CDH20: variants seen among roughly 807,000 people sequenced by gnomAD.
The protein encoded by CDH20 is cadherin 20.
In CDH20, 29 loss-of-function variants were observed where a neutral mutation model predicts 74.2. That is an observed-to-expected ratio of 0.39 (90% CI 0.29 to 0.53). CDH20 has a LOEUF of 0.53. Ranked by LOEUF, CDH20 falls within the 20% of genes least tolerant of loss-of-function variation. The pLI, the probability that CDH20 is intolerant of heterozygous loss-of-function variation, is 0.69. For synonymous variants in CDH20, 469 were observed against 405.4 expected (o/e 1.16, Z -1.88); for missense variants, 988 against 1,048.3 (o/e 0.94, Z 0.79).
chr18:61,440,457 C>G (rs1908991286), intron 1 of CDH20, among the ~76,000 whole-genome samples: 1 of 152,122 alleles, frequency 6.6e-6, no homozygotes, highest in Non-Finnish European at 1.5e-5. Flanking sequence ...GCAGACATAG[C>G]CGACTAATAC....
chr18:61,483,493 C>T lies in CDH20; in HGVS notation c.-152-6909C>T, dbSNP rs911442019. On this transcript the variant is annotated intron_variant, in intron 1 of 11. Transcript: ENST00000262717. ...GACAAAGTAAATGTAAATTACTTGA[C>T]ACAGCCTGGCGTAAACACTCCATGT... Among the ~76,000 whole-genome samples, 4 of 152,146 alleles carry T rather than the reference C, an allele frequency of 2.6e-5. No homozygotes were observed. The East Asian group carries it at 7.7e-4, about 29-fold the overall frequency.
At chr18:61,482,687 G>A (rs867495169) in intron 1 of CDH20, among the ~76,000 whole-genome samples, 2 of 151,908 alleles carry the variant, frequency 1.3e-5, no homozygotes, top group African/African-American at 4.8e-5. Flanking sequence ...TAGAGACGGG[G>A]TCTTGCCCTG....
At chr18:61,487,985 A>C (rs2144291268) in intron 1 of CDH20, among the ~76,000 whole-genome samples, 1 of 152,290 alleles carries the variant, frequency 6.6e-6, no homozygotes, top group South Asian at 2.1e-4. Flanking sequence ...AGTTGCTACA[A>C]CCAGCCAGAG....
At chr18:61,549,338 A>C (rs1036714062) in intron 10 of CDH20, among the ~76,000 whole-genome samples, 8 of 152,262 alleles carry the variant, frequency 5.3e-5, no homozygotes, top group Non-Finnish European at 8.8e-5. Flanking sequence ...AGTTCATTTT[A>C]ACTGCTTAAA....
intron 7 of CDH20, among the ~76,000 whole-genome samples, chr18:61,534,214 T>C (rs1398895771): frequency 6.6e-6 from 1 of 152,184 alleles, no homozygotes; most frequent in African/African-American, 2.4e-5. Flanking sequence ...AGAACGTCTG[T>C]TGTCAAAAAC....
rs1286420017 is a variant in CDH20 at position 61,554,824 on chromosome 18, AGCTC to A, written c.*130_*133del. ...AGAATGGGGGTGAGCAGGCGAACAGAGCTCTCTCTGGATCAGCTTTACTTGGGTA... is the reference window on the plus strand; with the variant it reads ...AGAATGGGGGTGAGCAGGCGAACAGATCTCTGGATCAGCTTTACTTGGGTA... On this transcript the variant is annotated 3_prime_UTR_variant, in exon 12 of 12. Coordinates refer to ENST00000262717, the MANE Select transcript of CDH20 (RefSeq NM_031891.4). The A allele has an allele frequency of 9.1e-6, 13 of 1,429,144 alleles. No individual in the cohort carries two copies. The highest frequency in any genetic ancestry group is 4.3e-5 in the African/African-American group (3 of 69,654). The allele number at this position is 1,429,144 out of a possible 1,614,324, so 88.5% of individuals were successfully genotyped here.
intron 1 of CDH20, among the ~76,000 whole-genome samples, chr18:61,468,329 C>A (rs1329912034): frequency 6.6e-6 from 1 of 152,100 alleles, no homozygotes; most frequent in African/African-American, 2.4e-5. Flanking sequence ...AAGTATTTTT[C>A]TTTATGGCCC....
At chr18:61,367,612 C>T (rs1910903857) in intron 1 of CDH20, among the ~76,000 whole-genome samples, 1 of 152,118 alleles carries the variant, frequency 6.6e-6, no homozygotes, top group Admixed American at 6.6e-5. Context: ...TCAAAGTCTA[C>T]AATGGCCAGT....
At chr18:61,479,107 CCTTT>C (rs1328527021) in intron 1 of CDH20, among the ~76,000 whole-genome samples, 1 of 151,798 alleles carries the variant, frequency 6.6e-6, no homozygotes, top group African/African-American at 2.4e-5. Flanking sequence ...CTATTTCAAA[CCTTT>C]CTTTTCTATT....
Position 61,382,369 on chromosome 18 carries a change from C to T in CDH20, c.-153+48542C>T, listed in dbSNP as rs187590858. ...AAAACGTAATGGCCAAAAAGTAGAACGAGAAAAGGGCTTTGGAGTCAAGAA... is the reference window on the plus strand; with the variant it reads ...AAAACGTAATGGCCAAAAAGTAGAATGAGAAAAGGGCTTTGGAGTCAAGAA... On this transcript the variant is annotated intron_variant, in intron 1 of 11. Coordinates refer to ENST00000262717, the MANE Select transcript of CDH20 (RefSeq NM_031891.4). Among the ~76,000 whole-genome samples, 65 of 152,164 alleles carry T rather than the reference C, an allele frequency of 4.3e-4. 1 individual carries two copies. The highest frequency in any genetic ancestry group is 3.2e-3 in the Admixed American group (49 of 15,290).
chr18:61,535,637 T>C (rs1294018334), intron 7 of CDH20, among the ~76,000 whole-genome samples: 3 of 152,148 alleles, frequency 2.0e-5, no homozygotes, highest in Non-Finnish European at 4.4e-5. Flanking sequence ...TGAGTCATTC[T>C]CCCCTTGGAG....
chr18:61,444,972 A>G (rs1488841506), intron 1 of CDH20, among the ~76,000 whole-genome samples: 1 of 152,100 alleles, frequency 6.6e-6, no homozygotes, highest in African/African-American at 2.4e-5. Context: ...CTAAGTCTTT[A>G]TTCTGCTCTC....
Position 61,538,608 on chromosome 18 carries a change from G to GTTTTTTTTTTTTTTTTTTTTTTTTT in CDH20, c.1409-411_1409-410insTTTTTTTTTTTTTTTTTTTTTTTTT, listed in dbSNP as rs1449356386. ...TGTTTGTTTGTTTGTTTTTGTTTTT[G>GTTTTTTTTTTTTTTTTTTTTTTTTT]TTTTTGTTTTTGTTTTGTTTTTTTT... On this transcript the variant is annotated intron_variant, in intron 8 of 11. Coordinates refer to ENST00000262717, the MANE Select transcript of CDH20 (RefSeq NM_031891.4). Among the ~76,000 whole-genome samples the GTTTTTTTTTTTTTTTTTTTTTTTTT allele has an allele frequency of 4.1e-4, 15 of 36,334 alleles. 1 individual carries two copies. Among genetic ancestry groups the GTTTTTTTTTTTTTTTTTTTTTTTTT allele is most frequent in the Non-Finnish European group, 6.0e-4 (10 of 16,564 alleles). The allele number at this position is 36,334 out of a possible 152,430, so 23.8% of individuals were successfully genotyped here. A position where few individuals can be genotyped will look rare whatever the true frequency, so the allele number is the denominator to read the frequency against.
chr18:61,338,995 G>T (rs954456743), intron 1 of CDH20, among the ~76,000 whole-genome samples: 1 of 152,044 alleles, frequency 6.6e-6, no homozygotes, highest in African/African-American at 2.4e-5. Context: ...AAATAAATTT[G>T]TAATATTTAA....
intron 1 of CDH20, among the ~76,000 whole-genome samples, chr18:61,364,791 G>T (rs1910807632): frequency 6.6e-6 from 1 of 152,342 alleles, no homozygotes; most frequent in Admixed American, 6.5e-5. Flanking sequence ...CAGCAGCACT[G>T]TGAGCCAAAT....
intron 1 of CDH20, among the ~76,000 whole-genome samples, chr18:61,435,365 T>C (rs545731600): frequency 3.3e-5 from 5 of 152,186 alleles, no homozygotes; most frequent in African/African-American, 1.2e-4. Context: ...ACTCTGCCCT[T>C]TTTCCTCCTT....
chr18:61,528,102 G>A lies in CDH20; in HGVS notation c.1153G>A (p.Glu385Lys), dbSNP rs866753314. 3 of 1,614,150 alleles carry A rather than the reference G, an allele frequency of 1.9e-6. No individual in the cohort carries two copies. The highest frequency in any genetic ancestry group is 2.2e-5 in the East Asian group (1 of 44,878). ...TVHISVEDVD[E>K]PPVFEPGFYF... The stretch of plus-strand genomic sequence containing the variant: ...GCACATCAGTGTGGAAGACGTGGAC[G>A]AGCCCCCTGTGTTTGAACCTGGCTT... The change falls in exon 7 of 12, where the codon GAG (glutamate) becomes AAG (lysine). Residue 385 changes from glutamate (E) to lysine (K), a missense_variant. Glu to Lys is a moderately conservative substitution (Grantham distance 56). Around this residue, in one of 2 missense-constraint regions of CDH20, gnomAD observed 613 missense variants for 755.2 expected, o/e 0.81. Coordinates refer to ENST00000262717, the MANE Select transcript of CDH20 (RefSeq NM_031891.4).
intron 1 of CDH20, among the ~76,000 whole-genome samples, chr18:61,346,160 A>G (rs985720670): frequency 1.3e-5 from 2 of 152,240 alleles, no homozygotes; most frequent in African/African-American, 4.8e-5. Context: ...TGAGAAATAG[A>G]AAAGAAAAAG....
chr18:61,454,807 C>A (rs1318430520), intron 1 of CDH20, among the ~76,000 whole-genome samples: 1 of 152,208 alleles, frequency 6.6e-6, no homozygotes, highest in Non-Finnish European at 1.5e-5. Flanking sequence ...GTGAACAATG[C>A]CCCTGCAGCA....
Sources: allele counts gnomAD v4.1 joint callset (sites outside exome capture counted in the v4.1 genomes callset), GRCh38; gene constraint gnomAD v4.1.1; regional missense constraint gnomAD v4.1.1; transcripts MANE v1.5; gene names NCBI Gene and HGNC (gene_info 2026-07-23, HGNC 2026-07-21).